Variants in SLC34A1 observed in about 807,000 individuals in gnomAD.
SLC34A1 encodes solute carrier family 34 member 1.
In SLC34A1, 57 loss-of-function variants were observed where a neutral mutation model predicts 51.4. That is an observed-to-expected ratio of 1.11 (90% CI 0.90 to 1.38). The LOEUF (loss-of-function observed/expected upper bound fraction) is 1.38. Ranked by LOEUF, SLC34A1 falls within the 40% of genes most tolerant of loss-of-function variation. The pLI is 0.00. For missense variants in SLC34A1, 796 were observed against 835.6 expected, an observed-to-expected ratio of 0.95 and a Z score of 0.58; for synonymous variants, 368 against 358.0, an observed-to-expected ratio of 1.03 and a Z score of -0.32.
In SLC34A1 at chr5:177,388,023, G is replaced by C. The variant is rs146257270; in HGVS notation, c.674G>C (p.Cys225Ser). ...RAFAGATVHD[C>S]FNWLSVLVLL... The stretch of plus-strand genomic sequence containing the variant: ...TTCGCGGGGGCCACGGTGCATGACT[G>C]CTTTAACTGGCTGTCAGTGCTGGTC... The change falls in exon 7 of 13, where the codon TGC becomes TCC. Residue 225 changes from cysteine to serine, a missense_variant. By Grantham distance (112) the Cys-to-Ser change is moderately radical. Transcript: ENST00000324417. The surrounding 1 kb of genome is among the most constrained non-coding windows in gnomAD (Gnocchi z 4.3). 2 of 1,613,770 alleles carry C rather than the reference G, an allele frequency of 1.2e-6. No homozygotes were observed. The highest frequency in any genetic ancestry group is 1.3e-5 in the African/African-American group (1 of 74,918).
At position 177,388,090 on chromosome 5, in the gene SLC34A1, C is replaced by T. The variant is rs374121143; in HGVS notation, c.741C>T (p.Ile247=). The change falls in exon 7 of 13, where the codon ATC becomes ATT. Residue 247 remains isoleucine (I), a synonymous_variant. Transcript: ENST00000324417. The surrounding 1 kb of genome is among the most constrained non-coding windows in gnomAD (Gnocchi z 4.3). ...LEAATGYLHH[I]TRLVVASFNI... ...CTGCCACTGGCTACCTGCACCACAT[C>T]ACTCGACTTGTGGTGGCCTCCTTCA... 1.2e-6 allele frequency: 2 copies of T among 1,613,968 alleles called. No individual in the cohort carries two copies. The highest frequency in any genetic ancestry group is 2.7e-5 in the African/African-American group (2 of 74,920).
Position 177,385,695 on chromosome 5 carries a change from C to G in SLC34A1, c.-47C>G. 1 of 1,351,224 alleles carries G rather than the reference C, an allele frequency of 7.4e-7. No individual in the cohort carries two copies. Among genetic ancestry groups the G allele is most frequent in the Non-Finnish European group, 1.1e-6 (1 of 949,838 alleles). The allele number at this position is 1,351,224 out of a possible 1,614,324, so 83.7% of individuals were successfully genotyped here. A position where few individuals can be genotyped will look rare whatever the true frequency, so the allele number is the denominator to read the frequency against. Reference sequence around the variant, plus strand: ...CCCGGACACAGCTATTGTCATTCAGCGTTGCTGAGACCCACTGACCTGCAG... The same window carrying G: ...CCCGGACACAGCTATTGTCATTCAGGGTTGCTGAGACCCACTGACCTGCAG... On this transcript the variant is annotated splice_region_variant and 5_prime_UTR_variant, in exon 2 of 13. Transcript: ENST00000324417.
intron 10 of SLC34A1, among the ~76,000 whole-genome samples, chr5:177,395,951 A>G (rs1281376428): frequency 6.6e-6 from 1 of 151,352 alleles, no homozygotes; most frequent in East Asian, 1.9e-4. Flanking sequence ...ATTAACCATA[A>G]ATTTTTTTTA....
At chr5:177,385,023 G>T (rs377225111) in intron 1 of SLC34A1, among the ~76,000 whole-genome samples, 11 of 152,214 alleles carry the variant, frequency 7.2e-5, no homozygotes, top group African/African-American at 1.4e-4. Context: ...CGGGGACAAG[G>T]GGGGGCTGAG....
Position 177,396,171 on chromosome 5 carries a change from G to A in SLC34A1, c.1175-562G>A, listed in dbSNP as rs1762947383. Among the ~76,000 whole-genome samples, 1 of 152,160 alleles carries A rather than the reference G, an allele frequency of 6.6e-6. No individual in the cohort carries two copies. Among genetic ancestry groups the A allele is most frequent in the African/African-American group, 2.4e-5 (1 of 41,434 alleles). On this transcript the variant is annotated intron_variant, in intron 10 of 12. Coordinates refer to ENST00000324417, the MANE Select transcript of SLC34A1 (RefSeq NM_003052.5). The surrounding 1 kb of genome is among the most constrained non-coding windows in gnomAD (Gnocchi z 4.0). Reference sequence around the variant, plus strand: ...CATGGGGCTGTGGGAGCTCAGAGAAGGGAGAAAAAGTCTGCTCCAGAGCAG... The same window carrying A: ...CATGGGGCTGTGGGAGCTCAGAGAAAGGAGAAAAAGTCTGCTCCAGAGCAG...
At position 177,397,824 on chromosome 5, in the gene SLC34A1, T is replaced by C; in HGVS notation, c.1458T>C (p.Leu486=). 1 of 1,613,124 alleles carries C rather than the reference T, an allele frequency of 6.2e-7. No individual in the cohort carries two copies. The highest frequency in any genetic ancestry group is 1.3e-5 in the African/African-American group (1 of 75,018). The change falls in exon 13 of 13, where the codon CTT becomes CTC. Residue 486 remains leucine (L), a synonymous_variant. Coordinates refer to ENST00000324417, the MANE Select transcript of SLC34A1 (RefSeq NM_003052.5). ...CHFFFNISGI[L]LWYPVPCTRL... ...TCTTCTTCAACATCTCGGGTATCCT[T>C]CTGTGGTACCCGGTGCCCTGCACAC...
chr5:177,394,231 G>C, intron 10 of SLC34A1, 36 bp downstream of exon 10: 2 of 1,609,140 alleles, frequency 1.2e-6, no homozygotes, highest in South Asian at 1.1e-5. Context: ...AGGGCCACAG[G>C]ATGGGCCTTT....
At position 177,387,861 on chromosome 5, in the gene SLC34A1, C is replaced by A. The variant is rs749746954; in HGVS notation, c.632C>A (p.Thr211Asn). The change falls in exon 6 of 13, where the codon ACT (threonine) becomes AAT (asparagine). Residue 211 changes from threonine (T) to asparagine (N), a missense_variant. Coordinates refer to ENST00000324417, the MANE Select transcript of SLC34A1 (RefSeq NM_003052.5). ...GCCCTGATGCAGGCGGGGGACAGGA[C>A]TGACTTCCGGCGGTGAGGGGGGCTG... ...IVALMQAGDR[T>N]DFRRAFAGAT... 52 of 1,601,338 alleles carry A rather than the reference C, an allele frequency of 3.2e-5. No homozygotes were observed. The highest frequency in any genetic ancestry group is 4.2e-5 in the Non-Finnish European group (49 of 1,174,056).
chr5:177,397,731 CA>C, intron 12 of SLC34A1, 51 bp from the exon 13 acceptor site: 2 of 1,599,442 alleles, frequency 1.3e-6, no homozygotes, highest in Non-Finnish European at 1.7e-6. Flanking sequence ...TGGCCTGACA[CA>C]GGACCTGGGA....
chr5:177,386,150 G>T lies in SLC34A1; in HGVS notation c.259+14G>T, dbSNP rs951426002. The T allele has an allele frequency of 1.7e-5, 27 of 1,613,724 alleles. No homozygotes were observed. Among genetic ancestry groups the T allele is most frequent in the Non-Finnish European group, 2.2e-5 (26 of 1,179,888 alleles). On this transcript the variant is annotated intron_variant, in intron 3 of 12. Transcript: ENST00000324417. This position sits in a 1 kb window ranked among gnomAD's most constrained non-coding sequence, Gnocchi z 4.8. ...AGCAGAAGCCAGGTGGGCCTGGGCT[G>T]GGGGTGGCAGAGGCGGCAGCAGTCC...
rs773427552 is a variant in SLC34A1, at chr5:177,397,051, G to T, written c.1393G>T (p.Glu465Ter). 7 of 1,613,678 alleles carry T rather than the reference G, an allele frequency of 4.3e-6. No homozygotes were observed. The East Asian group carries it at 1.6e-4, about 36-fold the overall frequency. ...CCTGGCTGCCCTGGCCAGCCCCAGGGAGAAGCTGTCCAGCGCTTTCCAGGT... is the reference window on the plus strand; with the variant it reads ...CCTGGCTGCCCTGGCCAGCCCCAGGTAGAAGCTGTCCAGCGCTTTCCAGGT... ...AILAALASPREKLSSAFQIAL... is the reference protein window; with the variant it reads ...AILAALASPR The change falls in exon 12 of 13, where the codon GAG (glutamate) becomes TAG (stop). Residue 465 changes from glutamate to a stop codon, truncating the protein, a stop_gained. Transcript: ENST00000324417. LOFTEE classifies it high-confidence loss of function.
rs1484615023 is a variant in SLC34A1 at position 177,396,810 on chromosome 5, A to G, written c.1252A>G (p.Ser418Gly). 16 of 1,614,160 alleles carry G rather than the reference A, an allele frequency of 9.9e-6. No individual in the cohort carries two copies. The highest frequency in any genetic ancestry group is 1.4e-5 in the Non-Finnish European group (16 of 1,180,028). Residue 418 changes from serine to glycine, a missense_variant, in exon 11 of 13, where the codon AGC (serine) becomes GGC (glycine). Coordinates refer to ENST00000324417, the MANE Select transcript of SLC34A1 (RefSeq NM_003052.5). This position sits in a 1 kb window ranked among gnomAD's most constrained non-coding sequence, Gnocchi z 4.0. Reference sequence around the variant, plus strand: ...CGCCAGCATGACCTTCGTGGTCCAGAGCAGTTCTGTGTTCACCTCGGCCAT... The same window carrying G: ...CGCCAGCATGACCTTCGTGGTCCAGGGCAGTTCTGTGTTCACCTCGGCCAT... ...VGASMTFVVQ[S>G]SSVFTSAITP...
chr5:177,387,197 T>C lies in SLC34A1; in HGVS notation c.533-565T>C, dbSNP rs142010774. On this transcript the variant is annotated intron_variant, in intron 5 of 12. Transcript: ENST00000324417. The stretch of plus-strand genomic sequence containing the variant: ...CACCCTGGCTAACACGGTGAAACCC[T>C]GTCTCTACTAAAAATACAAAAAAAA... Among the ~76,000 whole-genome samples the C allele has an allele frequency of 5.7e-4, 86 of 150,744 alleles. No homozygotes were observed. The East Asian group carries it at 6.4e-3, about 11-fold the overall frequency.
At chr5:177,394,900 G>C (rs1175658371) in intron 10 of SLC34A1, among the ~76,000 whole-genome samples, 1 of 151,802 alleles carries the variant, frequency 6.6e-6, no homozygotes, top group Non-Finnish European at 1.5e-5. Flanking sequence ...TCACCATGTT[G>C]GCCAGGCTGG....
In SLC34A1 at chr5:177,389,689, A is replaced by T. The variant is rs1291924515; in HGVS notation, c.936+1317A>T. ...CACACTTTGATCTTCGCAAAAAGCA[A>T]GCCATGGAAGACAGCTCTGTTCCTC... On this transcript the variant is annotated intron_variant, in intron 8 of 12. Coordinates refer to ENST00000324417, the MANE Select transcript of SLC34A1 (RefSeq NM_003052.5). 16 of 1,537,172 alleles carry T rather than the reference A, an allele frequency of 1.0e-5. No homozygotes were observed. In the Admixed American group the frequency reaches 3.1e-4, roughly 30 times the overall value.
At position 177,397,821 on chromosome 5, in the gene SLC34A1, C is replaced by G. The variant is rs751474273; in HGVS notation, c.1455C>G (p.Ile485Met). 4 of 1,612,962 alleles carry G rather than the reference C, an allele frequency of 2.5e-6. No individual in the cohort carries two copies. The East Asian group carries it at 8.9e-5, about 36-fold the overall frequency. The part of the protein sequence containing the change: ...LCHFFFNISG[I>M]LLWYPVPCTR... ...ACTTCTTCTTCAACATCTCGGGTATCCTTCTGTGGTACCCGGTGCCCTGCA... is the reference window on the plus strand; with the variant it reads ...ACTTCTTCTTCAACATCTCGGGTATGCTTCTGTGGTACCCGGTGCCCTGCA... The change falls in exon 13 of 13, where the codon ATC (isoleucine) becomes ATG (methionine). Residue 485 changes from isoleucine to methionine, a missense_variant. Transcript: ENST00000324417.
rs374675655 is a variant in SLC34A1 at position 177,390,269 on chromosome 5, C to CA, written c.936+1898dup. 134 of 990,138 alleles carry CA rather than the reference C, an allele frequency of 1.4e-4. No homozygotes were observed. The African/African-American group carries it at 2.2e-3, about 16-fold the overall frequency. The allele number at this position is 990,138 out of a possible 1,614,324, so 61.3% of individuals were successfully genotyped here. A position where few individuals can be genotyped will look rare whatever the true frequency, so the allele number is the denominator to read the frequency against. On this transcript the variant is annotated intron_variant, in intron 8 of 12. Transcript: ENST00000324417. The stretch of plus-strand genomic sequence containing the variant: ...GCAGCAGCAGCGGCAGTTGAGTGAT[C>CA]AGACACTTGAGTCTCCCGGGACCCT...
At chr5:177,389,357 TC>T (rs1762719508) in intron 8 of SLC34A1, among the ~76,000 whole-genome samples, 1 of 151,522 alleles carries the variant, frequency 6.6e-6, no homozygotes, top group South Asian at 2.1e-4. Flanking sequence ...CCCTTCCCCT[TC>T]CCCTTCCCCT....
Position 177,396,632 on chromosome 5 carries a change from G to A in SLC34A1, c.1175-101G>A. 1 of 872,818 alleles carries A rather than the reference G, an allele frequency of 1.1e-6. No individual in the cohort carries two copies. Among genetic ancestry groups the A allele is most frequent in the Admixed American group, 1.7e-5 (1 of 57,948 alleles). 54.1% of individuals were successfully genotyped at this position (872,818 alleles called of 1,614,324 possible). A position where few individuals can be genotyped will look rare whatever the true frequency, so the allele number is the denominator to read the frequency against. ...GCCCCCGCGGAGATCCGCTCTCCCA[G>A]TGCCCCCGCGGAGGTCCGCTCTCCC... On this transcript the variant is annotated intron_variant, in intron 10 of 12. Transcript: ENST00000324417. The surrounding 1 kb of genome is among the most constrained non-coding windows in gnomAD (Gnocchi z 4.0).
Sources: gnomAD v4.1 joint callset for allele counts (sites outside exome capture counted in the v4.1 genomes callset) on GRCh38, gnomAD v4.1.1 for gene constraint, Gnocchi (gnomAD v3.1) non-coding constraint, MANE v1.5 for transcripts, NCBI Gene and HGNC (gene_info 2026-07-23, HGNC 2026-07-21) for gene names.